The following VPS13D variants were observed in gnomAD, a reference collection of about 807,000 sequenced individuals.
VPS13D encodes the protein intermembrane lipid transfer protein VPS13D.
VPS13D carries 187 observed loss-of-function variants against 461.9 expected under a neutral mutation model. That is an observed-to-expected ratio of 0.40 (90% CI 0.36 to 0.46). The LOEUF (loss-of-function observed/expected upper bound fraction) is 0.46, where lower values mean the gene tolerates loss of function less well. Among genes scored for constraint, VPS13D ranks in the 20% least tolerant of loss-of-function variants. The pLI, the probability that VPS13D is intolerant of heterozygous loss-of-function variation, is 0.60. For missense variants in VPS13D, 4,711 were observed against 5,364.9 expected (o/e 0.88, Z 3.81); for synonymous variants, 1,951 against 1,986.3 (o/e 0.98, Z 0.47).
At chr1:12,400,132 G>A (rs1178697121) in intron 60 of VPS13D, 49 bp from the exon 61 acceptor site, 6 of 1,593,506 alleles carry the variant, frequency 3.8e-6, no homozygotes, top group Non-Finnish European at 5.1e-6. Flanking sequence ...TGAAAACTGA[G>A]CCACTGGTCT....
intron 65 of VPS13D, among the ~76,000 whole-genome samples, chr1:12,426,488 T>C (rs1234028274): frequency 1.1e-4 from 16 of 152,036 alleles, no homozygotes; most frequent in Non-Finnish European, 2.2e-4. Context: ...TTAGGGAGAG[T>C]TGTGCATTCC....
intron 25 of VPS13D, among the ~76,000 whole-genome samples, chr1:12,300,413 G>T (rs1443348708): frequency 6.6e-6 from 1 of 151,906 alleles, no homozygotes; most frequent in East Asian, 1.9e-4. Context: ...TCACCATGTT[G>T]GCCAGGTTGG....
intron 24 of VPS13D, among the ~76,000 whole-genome samples, chr1:12,294,982 G>T (rs951164636): frequency 6.6e-6 from 1 of 151,962 alleles, no homozygotes; most frequent in South Asian, 2.1e-4. Flanking sequence ...CAGCACTTTG[G>T]GGGGCGAGGC....
chr1:12,439,938 C>G (rs1414708377), intron 65 of VPS13D, among the ~76,000 whole-genome samples: 2 of 152,216 alleles, frequency 1.3e-5, no homozygotes, highest in African/African-American at 4.8e-5. Context: ...TGCTGTTTTC[C>G]TATGGATGCC....
intron 67 of VPS13D, among the ~76,000 whole-genome samples, chr1:12,483,344 C>G (rs1184518481): frequency 2.6e-5 from 4 of 152,212 alleles, no homozygotes; most frequent in African/African-American, 9.7e-5. Context: ...ACTTGCATTT[C>G]TTTGAGAATT....
rs1444338214 is a variant in VPS13D, at chr1:12,506,926, G to A, written c.12868G>A (p.Gly4290Arg). ...CAAAGCTGTTTACTTCCTGAAAAGT[G>A]GAGACTACGTGGATCGAGAAGCCAT... The part of the protein sequence containing the change: ...SSKAVYFLKS[G>R]DYVDREAIFL... The change falls in exon 69 of 70, where the codon GGA becomes AGA. Residue 4290 changes from glycine (G) to arginine (R), a missense_variant. Gly to Arg is a moderately radical substitution (Grantham distance 125). Around this residue, in one of 3 missense-constraint regions of VPS13D, gnomAD observed 194 missense variants for 220.9 expected, o/e 0.88. Transcript: ENST00000620676. 3.1e-6 allele frequency: 5 copies of A among 1,614,132 alleles called. No individual in the cohort carries two copies. The highest frequency in any genetic ancestry group is 2.2e-5 in the East Asian group (1 of 44,890).
chr1:12,323,193 C>T (rs72866669), intron 34 of VPS13D, among the ~76,000 whole-genome samples: 1,539 of 152,262 alleles, frequency 0.01, 24 homozygotes, highest in African/African-American at 0.035. Context: ...CCTCAGCCTC[C>T]TGAGTAGCTG....
chr1:12,237,898 G>C (rs1280093922), intron 2 of VPS13D, among the ~76,000 whole-genome samples: 1 of 152,128 alleles, frequency 6.6e-6, no homozygotes. Context: ...GCTTACGCCT[G>C]TAATTCCAGC....
intron 57 of VPS13D, among the ~76,000 whole-genome samples, chr1:12,381,986 C>T (rs995921449): frequency 2.3e-4 from 31 of 137,164 alleles, no homozygotes; most frequent in African/African-American, 6.3e-4. Context: ...TTCTTTCTCT[C>T]TCTCTCTCTC....
chr1:12,282,728 T>C lies in VPS13D; in HGVS notation c.4626T>C (p.Tyr1542=), dbSNP rs766250020. The change falls in exon 21 of 70, where the codon TAT becomes TAC. Residue 1542 remains tyrosine (Y), a synonymous_variant. Coordinates refer to ENST00000620676, the MANE Select transcript of VPS13D (RefSeq NM_015378.4). ...PVQVVLAKHV[Y]EQVLQTLDNL... ...AGGTGGTGTTAGCAAAGCATGTATA[T>C]GAGCAGGTTTTACAAACCCTGGACA... 4.3e-6 allele frequency: 7 copies of C among 1,610,074 alleles called. No homozygotes were observed. Among genetic ancestry groups the C allele is most frequent in the South Asian group, 1.1e-5 (1 of 90,960 alleles).
chr1:12,241,422 G>C (rs1640352321), intron 2 of VPS13D, among the ~76,000 whole-genome samples: 1 of 152,218 alleles, frequency 6.6e-6, no homozygotes. Context: ...GACAGATTTA[G>C]GTTGCTCAAA....
At chr1:12,415,361 C>T (rs1644780739) in intron 64 of VPS13D, 140 bp downstream of exon 64, 1 of 1,100,150 alleles carries the variant, frequency 9.1e-7, no homozygotes, top group African/African-American at 1.6e-5. Context: ...GGTCAGGTCA[C>T]TTCCCAAGAA....
intron 55 of VPS13D, among the ~76,000 whole-genome samples, chr1:12,375,907 TAA>T (rs1557741701): frequency 6.6e-6 from 1 of 152,132 alleles, no homozygotes; most frequent in African/African-American, 2.4e-5. Context: ...CAGTCCCATC[TAA>T]AGATTTTAGA....
At chr1:12,247,726 C>T (rs1476490812) in intron 5 of VPS13D, among the ~76,000 whole-genome samples, 37 of 139,768 alleles carry the variant, frequency 2.6e-4, no homozygotes, top group African/African-American at 7.8e-4. Flanking sequence ...TTTTTTGAGA[C>T]GGAGTCTCCC....
chr1:12,490,100 C>G (rs1366138898), intron 67 of VPS13D, among the ~76,000 whole-genome samples: 1 of 152,164 alleles, frequency 6.6e-6, no homozygotes, highest in Non-Finnish European at 1.5e-5. Flanking sequence ...TCTTCAGGAC[C>G]TAGTGCTGGC....
intron 16 of VPS13D, 42 bp from the exon 17 acceptor site, chr1:12,270,952 G>T: frequency 6.2e-7 from 1 of 1,603,304 alleles, no homozygotes; most frequent in South Asian, 1.1e-5. Context: ...TCACCCAGCC[G>T]TGTGAAAATT....
At chr1:12,375,257 G>C (rs180821986) in intron 55 of VPS13D, among the ~76,000 whole-genome samples, 12 of 152,284 alleles carry the variant, frequency 7.9e-5, no homozygotes, top group Non-Finnish European at 1.5e-4. Flanking sequence ...TTAGAAACCT[G>C]AGATTCATGA....
At position 12,415,241 on chromosome 1, in the gene VPS13D, T is replaced by A. The variant is rs774958778; in HGVS notation, c.12165+20T>A. 3.4e-5 allele frequency: 55 copies of A among 1,613,734 alleles called. No homozygotes were observed. Among genetic ancestry groups the A allele is most frequent in the Non-Finnish European group, 4.5e-5 (53 of 1,179,892 alleles). The stretch of plus-strand genomic sequence containing the variant: ...CAGGAGGTGAGGCTTGGAGAAGTAA[T>A]CATTGGCTGGAGCATAAGCAGAATG... On this transcript the variant is annotated intron_variant, in intron 64 of 69. Coordinates refer to ENST00000620676, the MANE Select transcript of VPS13D (RefSeq NM_015378.4).
chr1:12,423,423 A>C (rs1435871774), intron 65 of VPS13D, among the ~76,000 whole-genome samples: 1 of 152,254 alleles, frequency 6.6e-6, no homozygotes, highest in African/African-American at 2.4e-5. Flanking sequence ...AAACCAAACA[A>C]AAAGCCCTAC....
Sources: gnomAD v4.1 joint callset for allele counts (sites outside exome capture counted in the v4.1 genomes callset) on GRCh38, gnomAD v4.1.1 for gene constraint, gnomAD v4.1.1 regional missense constraint, MANE v1.5 for transcripts, NCBI Gene and HGNC (gene_info 2026-07-23, HGNC 2026-07-21) for gene names.